Variants in RPS6KC1 observed in about 807,000 individuals in gnomAD.
RPS6KC1 encodes ribosomal protein S6 kinase C1.
RPS6KC1 carries 54 observed loss-of-function variants against 103.8 expected under a neutral mutation model. The ratio of observed to expected loss-of-function variants is 0.52; its 90% CI spans 0.42 to 0.65. The LOEUF (loss-of-function observed/expected upper bound fraction) is 0.65. Ranked by LOEUF, RPS6KC1 falls within the 30% of genes least tolerant of loss-of-function variation. The pLI is 0.00. For synonymous variants in RPS6KC1, 439 were observed against 438.7 expected, an observed-to-expected ratio of 1.00 and a Z score of -0.01; for missense variants, 1,151 against 1,253.8, an observed-to-expected ratio of 0.92 and a Z score of 1.24.
the RPS6KC1 span, among the ~76,000 whole-genome samples, chr1:213,623,094 C>T: frequency 4.6e-5 from 7 of 152,190 alleles, no homozygotes; most frequent in Non-Finnish European, 8.8e-5. Context: ...GGCCCCATCT[C>T]TGTGGCAACC....
chr1:213,486,494 C>T, the RPS6KC1 span, among the ~76,000 whole-genome samples: 3 of 151,972 alleles, frequency 2.0e-5, no homozygotes, highest in Non-Finnish European at 4.4e-5. Flanking sequence ...AAGAGAGGGC[C>T]AGAGAGCAGG....
chr1:213,268,358 T>C (rs986260281), intron 14 of RPS6KC1, among the ~76,000 whole-genome samples: 5 of 149,312 alleles, frequency 3.3e-5, no homozygotes, highest in African/African-American at 1.2e-4. Flanking sequence ...ATAAAGACAT[T>C]CCCAAATATA....
chr1:213,669,214 G>A, the RPS6KC1 span, among the ~76,000 whole-genome samples: 4 of 152,110 alleles, frequency 2.6e-5, no homozygotes, highest in Admixed American at 2.6e-4. Context: ...AAGCTTAATC[G>A]TTCTATCTTT....
chr1:213,164,369 T>A (rs1351202185), intron 6 of RPS6KC1, among the ~76,000 whole-genome samples: 1 of 152,184 alleles, frequency 6.6e-6, no homozygotes, highest in Admixed American at 6.6e-5. Context: ...TCAACAACTT[T>A]GGATTTTCTC....
chr1:213,842,750 A>G, the RPS6KC1 span, among the ~76,000 whole-genome samples: 1 of 152,246 alleles, frequency 6.6e-6, no homozygotes, highest in Non-Finnish European at 1.5e-5. Context: ...TATCAAGTAG[A>G]CAAAATAACA....
the RPS6KC1 span, among the ~76,000 whole-genome samples, chr1:213,726,607 T>C: frequency 6.6e-6 from 1 of 152,224 alleles, no homozygotes; most frequent in South Asian, 2.1e-4. Flanking sequence ...AAATTTCAAT[T>C]GCTTAAGCAT....
chr1:213,306,989 G>T, the RPS6KC1 span, among the ~76,000 whole-genome samples: 1 of 151,762 alleles, frequency 6.6e-6, no homozygotes, highest in South Asian at 2.1e-4. Flanking sequence ...GCCAGTTGGT[G>T]CCAGATCTAA....
At chr1:213,847,950 C>T in the RPS6KC1 span, among the ~76,000 whole-genome samples, 3 of 151,962 alleles carry the variant, frequency 2.0e-5, no homozygotes, top group Non-Finnish European at 4.4e-5. Flanking sequence ...CCTTGATTCT[C>T]TCTGTTTCTC....
chr1:213,437,667 A>T, the RPS6KC1 span, among the ~76,000 whole-genome samples: 1 of 151,592 alleles, frequency 6.6e-6, no homozygotes, highest in Non-Finnish European at 1.5e-5. Flanking sequence ...CACTATTCAG[A>T]TTTTTTATTT....
the RPS6KC1 span, among the ~76,000 whole-genome samples, chr1:213,393,857 T>C: frequency 6.6e-6 from 1 of 152,200 alleles, no homozygotes; most frequent in Admixed American, 6.5e-5. Context: ...AGAAGCTTGC[T>C]TAATAAAAAT....
At chr1:213,280,801 A>G in the RPS6KC1 span, among the ~76,000 whole-genome samples, 7 of 152,302 alleles carry the variant, frequency 4.6e-5, no homozygotes, top group Middle Eastern at 3.4e-3. Flanking sequence ...CTCAATGGGC[A>G]CCTTTAAAAT....
the RPS6KC1 span, among the ~76,000 whole-genome samples, chr1:213,824,339 T>C: frequency 6.6e-6 from 1 of 152,216 alleles, no homozygotes; most frequent in African/African-American, 2.4e-5. Context: ...AGAATCCATG[T>C]AGCAATTTCC....
chr1:213,183,987 A>G (rs533183419), intron 8 of RPS6KC1, among the ~76,000 whole-genome samples: 7 of 152,282 alleles, frequency 4.6e-5, no homozygotes, highest in Non-Finnish European at 8.8e-5. Context: ...AAACAGCCCT[A>G]CACATGTAAA....
intron 3 of RPS6KC1, among the ~76,000 whole-genome samples, chr1:213,102,769 T>C (rs1480827718): frequency 6.6e-6 from 1 of 152,182 alleles, no homozygotes; most frequent in Non-Finnish European, 1.5e-5. Flanking sequence ...TCTATCAAGA[T>C]ACTGATAAAA....
chr1:213,526,253 C>T, the RPS6KC1 span, among the ~76,000 whole-genome samples: 9 of 152,096 alleles, frequency 5.9e-5, no homozygotes, highest in Admixed American at 5.2e-4. Context: ...AAGTTTATCA[C>T]CAGAGAGTCC....
chr1:213,541,067 C>T, the RPS6KC1 span, among the ~76,000 whole-genome samples: 10 of 151,666 alleles, frequency 6.6e-5, no homozygotes, highest in African/African-American at 2.4e-4. Context: ...AAGTTTCGAA[C>T]CCTCAAAGTC....
intron 6 of RPS6KC1, among the ~76,000 whole-genome samples, chr1:213,160,363 TC>T (rs1272152269): frequency 2.6e-5 from 4 of 152,258 alleles, no homozygotes; most frequent in Admixed American, 1.3e-4. Flanking sequence ...TGCTGTATTT[TC>T]CTCATGTTAT....
At chr1:213,838,265 A>G in the RPS6KC1 span, among the ~76,000 whole-genome samples, 1 of 152,176 alleles carries the variant, frequency 6.6e-6, no homozygotes, top group Non-Finnish European at 1.5e-5. Flanking sequence ...AAGTGAAAAT[A>G]TAGCTAAATA....
chr1:213,459,884 T>C, the RPS6KC1 span, among the ~76,000 whole-genome samples: 22 of 152,336 alleles, frequency 1.4e-4, 1 homozygote, highest in East Asian at 1.5e-3. Flanking sequence ...CGTTTCCATG[T>C]AGTTGTGTGG....
Sources: gnomAD v4.1 joint callset for allele counts (sites outside exome capture counted in the v4.1 genomes callset) on GRCh38, gnomAD v4.1.1 for gene constraint, MANE v1.5 for transcripts, NCBI Gene and HGNC (gene_info 2026-07-23, HGNC 2026-07-21) for gene names.